The following SRRT variants were observed in gnomAD, a reference collection of about 807,000 sequenced individuals.
The protein encoded by SRRT is serrate, RNA effector molecule.
Under a neutral mutation model 103.2 loss-of-function variants are expected in SRRT, and 32 were observed. The observed-to-expected ratio is 0.31, with a 90% CI of 0.23 to 0.42. SRRT has a LOEUF of 0.42. Ranked by LOEUF, SRRT falls within the 10% of genes least tolerant of loss-of-function variation. SRRT has a pLI of 1.00. For missense variants in SRRT, 986 were observed against 1,207.5 expected (o/e 0.82, Z 2.72); for synonymous variants, 525 against 449.0 (o/e 1.17, Z -2.14).
chr7:100,888,475 A>C lies in SRRT; in HGVS notation c.2557A>C (p.Met853Leu), dbSNP rs770917997. 6.2e-7 allele frequency: 1 copy of C among 1,613,944 alleles called. No individual in the cohort carries two copies. Among genetic ancestry groups the C allele is most frequent in the Non-Finnish European group, 8.5e-7 (1 of 1,179,992 alleles). The change falls in exon 20 of 20, where the codon ATG (methionine) becomes CTG (leucine). Residue 853 changes from methionine (M) to leucine (L), a missense_variant and splice_region_variant. This residue lies in a region of SRRT where 178 missense variants were observed against 189.6 expected (regional missense o/e 0.94). Transcript: ENST00000611405. The stretch of plus-strand genomic sequence containing the variant: ...CATCCTGTACCTCTCACCTCACAGG[A>C]TGGTTCGTGGAGACCCAAGGGCCAT... Reference protein sequence around the residue: ...GGYPGKPRNRMVRGDPRAIVE... With the variant: ...GGYPGKPRNRLVRGDPRAIVE...
chr7:100,881,336 T>C lies in SRRT; in HGVS notation c.174T>C (p.Tyr58=). The change falls in exon 3 of 20, where the codon TAT becomes TAC. Residue 58 remains tyrosine, a synonymous_variant. Transcript: ENST00000611405. The part of the protein sequence containing the change: ...ERRSRGEYRD[Y]DRNRRERFSP... ...GTAGTCGGGGTGAATATCGGGACTA[T>C]GACCGGAATCGGCGAGAGCGCTTCT... 1 of 1,613,742 alleles carries C rather than the reference T, an allele frequency of 6.2e-7. No homozygotes were observed. The highest frequency in any genetic ancestry group is 8.5e-7 in the Non-Finnish European group (1 of 1,179,862).
intron 2 of SRRT, among the ~76,000 whole-genome samples, chr7:100,878,198 G>A (rs1414833422): frequency 6.6e-6 from 1 of 152,102 alleles, no homozygotes; most frequent in Non-Finnish European, 1.5e-5. Context: ...TGTAGTCCCG[G>A]CAACTCCGGA....
chr7:100,884,017 G>C, intron 5 of SRRT, 53 bp from the exon 6 acceptor site: 2 of 1,522,962 alleles, frequency 1.3e-6, no homozygotes, highest in South Asian at 2.6e-5. Context: ...CCCACATCCT[G>C]GCCTTGGCTT....
At chr7:100,879,618 A>T (rs1284200983) in intron 2 of SRRT, among the ~76,000 whole-genome samples, 1 of 152,180 alleles carries the variant, frequency 6.6e-6, no homozygotes, top group Non-Finnish European at 1.5e-5. Context: ...ATTTCGTTTT[A>T]ATTTTGAATA....
At chr7:100,877,584 C>T (rs959490010) in intron 2 of SRRT, among the ~76,000 whole-genome samples, 1 of 151,442 alleles carries the variant, frequency 6.6e-6, no homozygotes, top group Non-Finnish European at 1.5e-5. Context: ...TGCAGTGGGG[C>T]GATCTCAGCT....
rs1790090887 is a variant in SRRT, at chr7:100,886,270, T to C, written c.1482T>C (p.Pro494=). The C allele has an allele frequency of 1.2e-6, 2 of 1,612,536 alleles. No individual in the cohort carries two copies. The highest frequency in any genetic ancestry group is 1.7e-6 in the Non-Finnish European group (2 of 1,179,912). Residue 494 remains proline, a synonymous_variant, in exon 13 of 20, where the codon CCT becomes CCC. Coordinates refer to ENST00000611405, the MANE Select transcript of SRRT (RefSeq NM_015908.6). ...AGCTCCGGGAGTGTGAGCTGAGCCC[T>C]GGTGTGAACAGGGACCTGACCCGGC... The part of the protein sequence containing the change: ...NIRLRECELS[P]GVNRDLTRRV...
Position 100,885,025 on chromosome 7 carries a change from G to GAGA in SRRT, c.1147_1149dup (p.Lys383dup), listed in dbSNP as rs1789951466. On this transcript the variant is annotated inframe_insertion, in exon 9 of 20. Transcript: ENST00000611405. The surrounding 1 kb of genome is among the most constrained non-coding windows in gnomAD (Gnocchi z 4.8). ...GTCAGAGAGCGGCCAGGCTGAGGAG[G>GAGA]AGAAGGAGGAGGCCGGTAGGGTTTC... The GAGA allele has an allele frequency of 6.8e-6, 11 of 1,614,018 alleles. No individual in the cohort carries two copies. Among genetic ancestry groups the GAGA allele is most frequent in the Non-Finnish European group, 8.5e-6 (10 of 1,180,008 alleles).
rs113848464 is a variant in SRRT at position 100,879,790 on chromosome 7, C to T, written c.123-1495C>T. ...TTGTGCTGCTGCACTCCAGCCTGAG[C>T]GACAGAGTGAGACTGTCTCCAAAAA... On this transcript the variant is annotated intron_variant, in intron 2 of 19. Coordinates refer to ENST00000611405, the MANE Select transcript of SRRT (RefSeq NM_015908.6). 5.1e-3 allele frequency among the ~76,000 whole-genome samples: 713 copies of T among 140,584 alleles called. 5 individuals are homozygous for T. Among genetic ancestry groups the T allele is most frequent in the African/African-American group, 0.018 (671 of 37,706 alleles). 92.2% of individuals were successfully genotyped at this position (140,584 alleles called of 152,430 possible). A position where few individuals can be genotyped will look rare whatever the true frequency, so the allele number is the denominator to read the frequency against.
chr7:100,878,172 GGTGGTGGCACATGCCT>G lies in SRRT; in HGVS notation c.122+2463_122+2478del, dbSNP rs577233105. 5.9e-5 allele frequency among the ~76,000 whole-genome samples: 9 copies of G among 152,072 alleles called. No homozygotes were observed. The East Asian group carries it at 7.7e-4, about 13-fold the overall frequency. ...CAAAAAAATACAAAAATTAGCTGGG[GGTGGTGGCACATGCCT>G]GTAGTCCCGGCAACTCCGGAGGCTG... On this transcript the variant is annotated intron_variant, in intron 2 of 19. Transcript: ENST00000611405.
chr7:100,883,465 C>A (rs1447890737), intron 5 of SRRT, among the ~76,000 whole-genome samples: 1 of 152,222 alleles, frequency 6.6e-6, no homozygotes, highest in Non-Finnish European at 1.5e-5. Context: ...TCCTCTCTCT[C>A]CCCCTGTGGG....
At chr7:100,881,519 C>T (rs1789556153) in intron 3 of SRRT, 106 bp downstream of exon 3, 6 of 1,560,632 alleles carry the variant, frequency 3.8e-6, no homozygotes, top group South Asian at 1.2e-5. Flanking sequence ...CTTTTCTCAA[C>T]TTCCCATCAC....
chr7:100,887,323 T>C lies in SRRT; in HGVS notation c.1979T>C (p.Leu660Pro). 1 of 1,613,780 alleles carries C rather than the reference T, an allele frequency of 6.2e-7. No individual in the cohort carries two copies. The change falls in exon 16 of 20, where the codon CTG becomes CCG. Residue 660 changes from leucine to proline, a missense_variant. Physicochemically the swap from Leu to Pro is moderately conservative, Grantham distance 98. Transcript: ENST00000611405. This position sits in a 1 kb window ranked among gnomAD's most constrained non-coding sequence, Gnocchi z 4.1. ...PPNRISHGEV[L>P]EWQKTFEEKL... is the part of the protein sequence containing the mutation. Reference sequence around the variant, plus strand: ...TTCCTCTGTTCCCAAACCACAGTGCTGGAGTGGCAGAAGACTTTTGAGGAG... The same window carrying C: ...TTCCTCTGTTCCCAAACCACAGTGCCGGAGTGGCAGAAGACTTTTGAGGAG...
At chr7:100,881,459 C>T in intron 3 of SRRT, 46 bp downstream of exon 3, 1 of 1,597,794 alleles carries the variant, frequency 6.3e-7, no homozygotes, top group Non-Finnish European at 8.6e-7. Flanking sequence ...CTCAGTTCCA[C>T]CTGGGCCTCC....
At chr7:100,875,854 A>G (rs994203293) in intron 2 of SRRT, 142 bp downstream of exon 2, 4 of 1,075,168 alleles carry the variant, frequency 3.7e-6, no homozygotes, top group Non-Finnish European at 4.0e-6. Context: ...GGTTCAGCCT[A>G]TTTGCTGTTG....
In SRRT at chr7:100,882,253, TACTTCCCTGGACC is replaced by T; in HGVS notation, c.587+13_587+25del. The T allele has an allele frequency of 6.2e-7, 1 of 1,612,444 alleles. No homozygotes were observed. The highest frequency in any genetic ancestry group is 8.5e-7 in the Non-Finnish European group (1 of 1,178,958). On this transcript the variant is annotated intron_variant, in intron 5 of 19. Transcript: ENST00000611405. The surrounding 1 kb of genome is among the most constrained non-coding windows in gnomAD (Gnocchi z 4.2). ...AAAGATGAGGAGTGGTGAGTGCCCC[TACTTCCCTGGACC>T]TCTGCCCTGGCATGTCCCCCTGGCC... is the stretch of plus-strand genomic sequence containing the variant.
intron 2 of SRRT, among the ~76,000 whole-genome samples, chr7:100,878,830 T>G (rs1160879497): frequency 6.6e-6 from 1 of 152,180 alleles, no homozygotes; most frequent in East Asian, 1.9e-4. Context: ...GCCTCCTGAT[T>G]AGCTGGGACT....
rs765944977 is a variant in SRRT, at chr7:100,881,627, C to G, written c.252-32C>G. On this transcript the variant is annotated intron_variant, in intron 3 of 19. Transcript: ENST00000611405. Reference sequence around the variant, plus strand: ...CATGCTCTGGGGAGGTGACTCCCTTCTCTGCTTTACTTTTGTGTCCCCCAC... The same window carrying G: ...CATGCTCTGGGGAGGTGACTCCCTTGTCTGCTTTACTTTTGTGTCCCCCAC... 7 of 1,613,280 alleles carry G rather than the reference C, an allele frequency of 4.3e-6. No homozygotes were observed. In the East Asian group the frequency reaches 1.3e-4, roughly 31 times the overall value.
chr7:100,887,654 G>T lies in SRRT; in HGVS notation c.2170-49G>T. The T allele has an allele frequency of 6.3e-7, 1 of 1,586,160 alleles. No homozygotes were observed. Among genetic ancestry groups the T allele is most frequent in the South Asian group, 1.1e-5 (1 of 88,186 alleles). ...ATCCTTCCAGCTCGGGCCTGGGAGC[G>T]AGGCAACCCTTATGTGGCTGTCCTG... is the stretch of plus-strand genomic sequence containing the variant. On this transcript the variant is annotated intron_variant, in intron 16 of 19. Transcript: ENST00000611405. The surrounding 1 kb of genome is among the most constrained non-coding windows in gnomAD (Gnocchi z 4.1).
Position 100,885,057 on chromosome 7 carries a change from G to C in SRRT, c.1159+17G>C, listed in dbSNP as rs1789954743. The C allele has an allele frequency of 6.2e-7, 1 of 1,613,564 alleles. No individual in the cohort carries two copies. The highest frequency in any genetic ancestry group is 1.3e-5 in the African/African-American group (1 of 74,990). On this transcript the variant is annotated intron_variant, in intron 9 of 19. Coordinates refer to ENST00000611405, the MANE Select transcript of SRRT (RefSeq NM_015908.6). This position sits in a 1 kb window ranked among gnomAD's most constrained non-coding sequence, Gnocchi z 4.8. Reference sequence around the variant, plus strand: ...AGGAGGCCGGTAGGGTTTCTTTTCTGCTTTAAAGTGCGTTCTCCTAATGCG... The same window carrying C: ...AGGAGGCCGGTAGGGTTTCTTTTCTCCTTTAAAGTGCGTTCTCCTAATGCG...
Sources: allele counts gnomAD v4.1 joint callset (sites outside exome capture counted in the v4.1 genomes callset), GRCh38; gene constraint gnomAD v4.1.1; regional missense constraint gnomAD v4.1.1; non-coding constraint Gnocchi (gnomAD v3.1); transcripts MANE v1.5; gene names NCBI Gene and HGNC (gene_info 2026-07-23, HGNC 2026-07-21).